The following FAF1 variants were observed in gnomAD, a reference collection of about 807,000 sequenced individuals.
The protein encoded by FAF1 is Fas associated factor 1.
FAF1 carries 25 observed loss-of-function variants against 92.5 expected under a neutral mutation model. The ratio of observed to expected loss-of-function variants is 0.27; its 90% CI spans 0.20 to 0.38. FAF1 has a LOEUF of 0.38. FAF1 is among the 10% of genes least tolerant of loss of function. FAF1 has a pLI of 1.00. For missense variants in FAF1, 636 were observed against 793.3 expected, an observed-to-expected ratio of 0.80 and a Z score of 2.38; for synonymous variants, 234 against 273.2, an observed-to-expected ratio of 0.86 and a Z score of 1.42.
At chr1:50,844,461 T>C (rs1644281499) in intron 2 of FAF1, among the ~76,000 whole-genome samples, 1 of 151,850 alleles carries the variant, frequency 6.6e-6, no homozygotes, top group South Asian at 2.1e-4. Flanking sequence ...ATATATTGCT[T>C]GAGGCAGACA....
At chr1:50,760,499 G>A (rs201874092) in intron 4 of FAF1, among the ~76,000 whole-genome samples, 116 of 152,010 alleles carry the variant, frequency 7.6e-4, no homozygotes, top group East Asian at 5.8e-3. Context: ...CTCAGACCAC[G>A]GTGCAATCAA....
intron 1 of FAF1, among the ~76,000 whole-genome samples, chr1:50,943,089 A>C (rs922167712): frequency 2.0e-5 from 3 of 152,212 alleles, no homozygotes; most frequent in Non-Finnish European, 4.4e-5. Context: ...TTGTGTCCCA[A>C]CAACATCCAC....
intron 7 of FAF1, among the ~76,000 whole-genome samples, chr1:50,692,121 T>C (rs1405182356): frequency 6.6e-6 from 1 of 152,002 alleles, no homozygotes; most frequent in Non-Finnish European, 1.5e-5. Flanking sequence ...GTGGCTGAGA[T>C]GGGAGGATCA....
intron 7 of FAF1, among the ~76,000 whole-genome samples, chr1:50,685,258 AT>A (rs1656606813): frequency 6.6e-6 from 1 of 152,234 alleles, no homozygotes; most frequent in South Asian, 2.1e-4. Context: ...AATAACTTCT[AT>A]AAAAAGTATT....
At chr1:50,919,471 C>T (rs1026872865) in intron 1 of FAF1, among the ~76,000 whole-genome samples, 12 of 151,108 alleles carry the variant, frequency 7.9e-5, no homozygotes, top group African/African-American at 2.4e-4. Flanking sequence ...TAAAGGCTGC[C>T]GGGGGGTAAA....
chr1:50,451,250 G>A (rs78068378), intron 18 of FAF1, among the ~76,000 whole-genome samples: 1 of 152,166 alleles, frequency 6.6e-6, no homozygotes, highest in Non-Finnish European at 1.5e-5. Flanking sequence ...AGTAAGAGAG[G>A]AATAGAAATT....
chr1:50,748,298 C>T (rs1234412534), intron 4 of FAF1, among the ~76,000 whole-genome samples: 1 of 151,894 alleles, frequency 6.6e-6, no homozygotes, highest in African/African-American at 2.4e-5. Context: ...GAGTTCGAGA[C>T]CAGCCTGCCC....
chr1:50,802,095 CT>C (rs112736640), intron 2 of FAF1, among the ~76,000 whole-genome samples: 153 of 145,080 alleles, frequency 1.1e-3, no homozygotes, highest in East Asian at 1.6e-3. Flanking sequence ...GATTACTATT[CT>C]TTTTTTTTTT....
At chr1:50,574,656 C>A (rs1370715539) in intron 12 of FAF1, among the ~76,000 whole-genome samples, 2 of 151,964 alleles carry the variant, frequency 1.3e-5, no homozygotes, top group Non-Finnish European at 2.9e-5. Flanking sequence ...ATATCTACTT[C>A]CACATTCCAA....
At chr1:50,877,535 T>C (rs1380321944) in intron 1 of FAF1, among the ~76,000 whole-genome samples, 1 of 152,118 alleles carries the variant, frequency 6.6e-6, no homozygotes, top group East Asian at 1.9e-4. Context: ...AAAATACATG[T>C]AAATATACAT....
At chr1:50,739,438 A>C (rs114066875) in intron 5 of FAF1, among the ~76,000 whole-genome samples, 4,677 of 152,198 alleles carry the variant, frequency 0.031, 111 homozygotes, top group Middle Eastern at 0.078. Flanking sequence ...ATGTGTGTAT[A>C]TATGTGTATA....
intron 1 of FAF1, among the ~76,000 whole-genome samples, chr1:50,929,825 C>T (rs890609937): frequency 1.3e-4 from 20 of 152,166 alleles, no homozygotes; most frequent in African/African-American, 4.3e-4. Flanking sequence ...CCATACTTAG[C>T]TTTTTTATAA....
chr1:50,449,475 A>G (rs903388878), intron 18 of FAF1, among the ~76,000 whole-genome samples: 3 of 150,634 alleles, frequency 2.0e-5, no homozygotes, highest in African/African-American at 7.3e-5. Flanking sequence ...ACTTGGGGGA[A>G]CAACTTTTTC....
intron 9 of FAF1, among the ~76,000 whole-genome samples, chr1:50,591,324 A>C (rs573311531): frequency 6.6e-6 from 1 of 152,118 alleles, no homozygotes. Flanking sequence ...TGCACAGCAG[A>C]GCGCTCTTCA....
intron 1 of FAF1, among the ~76,000 whole-genome samples, chr1:50,862,266 A>G (rs1644441289): frequency 6.6e-6 from 1 of 151,904 alleles, no homozygotes; most frequent in Non-Finnish European, 1.5e-5. Flanking sequence ...GAGGAAAAAC[A>G]GACATCCAAC....
intron 6 of FAF1, among the ~76,000 whole-genome samples, chr1:50,716,322 T>C (rs74080052): frequency 0.032 from 4,915 of 152,210 alleles, 262 homozygotes; most frequent in African/African-American, 0.11. Flanking sequence ...ACAGAAGAAT[T>C]AGCTAAACTA....
chr1:50,473,641 C>T (rs942536228), intron 18 of FAF1, among the ~76,000 whole-genome samples: 4 of 152,130 alleles, frequency 2.6e-5, no homozygotes, highest in African/African-American at 9.7e-5. Flanking sequence ...CATATGCAGG[C>T]ATGTGTTCCC....
chr1:50,880,290 G>A (rs1644601241), intron 1 of FAF1, among the ~76,000 whole-genome samples: 1 of 152,118 alleles, frequency 6.6e-6, no homozygotes, highest in South Asian at 2.1e-4. Context: ...GGGAAAAAGG[G>A]CTATCACAAA....
intron 13 of FAF1, among the ~76,000 whole-genome samples, chr1:50,551,252 T>C (rs1163847829): frequency 6.6e-6 from 1 of 151,968 alleles, no homozygotes; most frequent in African/African-American, 2.4e-5. Flanking sequence ...AGAGGGAAAA[T>C]AAGAGGAGCA....
Sources: allele counts gnomAD v4.1 joint callset (sites outside exome capture counted in the v4.1 genomes callset), GRCh38; gene constraint gnomAD v4.1.1; transcripts MANE v1.5; gene names NCBI Gene and HGNC (gene_info 2026-07-23, HGNC 2026-07-21).